The following RGR variants were observed in gnomAD, a reference collection of about 807,000 sequenced individuals.
RGR encodes the protein retinal G protein coupled receptor, also known as RPE-retinal G protein-coupled receptor.
Under a neutral mutation model 28.6 loss-of-function variants are expected in RGR, and 30 were observed. That is an observed-to-expected ratio of 1.05 (90% CI 0.78 to 1.42). RGR has a LOEUF of 1.42. Among genes scored for constraint, RGR ranks in the 40% most tolerant of loss-of-function variants. The pLI is 0.00. For missense variants in RGR, 404 were observed against 375.6 expected, an observed-to-expected ratio of 1.08 and a Z score of -0.62; for synonymous variants, 180 against 156.4, an observed-to-expected ratio of 1.15 and a Z score of -1.13.
Position 84,248,779 on chromosome 10 carries a change from C to T in RGR, c.237-143C>T, listed in dbSNP as rs1842778652. 6 of 1,493,490 alleles carry T rather than the reference C, an allele frequency of 4.0e-6. No homozygotes were observed. In the African/African-American group the frequency reaches 6.9e-5, roughly 17 times the overall value. 92.5% of individuals were successfully genotyped at this position (1,493,490 alleles called of 1,614,324 possible). A position where few individuals can be genotyped will look rare whatever the true frequency, so the allele number is the denominator to read the frequency against. On this transcript the variant is annotated intron_variant, in intron 2 of 6. Transcript: ENST00000652092. Reference sequence around the variant, plus strand: ...AGCCCAGTTACTTGAGCTCCAACGCCTCATAGGAAAGACACCAATATTAAG... The same window carrying T: ...AGCCCAGTTACTTGAGCTCCAACGCTTCATAGGAAAGACACCAATATTAAG...
chr10:84,248,583 C>T, intron 2 of RGR: 1 of 413,134 alleles, frequency 2.4e-6, no homozygotes, highest in Non-Finnish European at 4.5e-6. Context: ...TCTGTGTGAC[C>T]TTGGCTTCAG....
chr10:84,250,200 G>C (rs78154903), intron 3 of RGR, among the ~76,000 whole-genome samples: 1 of 152,222 alleles, frequency 6.6e-6, no homozygotes, highest in East Asian at 1.9e-4. Flanking sequence ...GTACCTCCAA[G>C]TCCTGAGCTA....
intron 6 of RGR, among the ~76,000 whole-genome samples, chr10:84,258,272 C>T (rs949447181): frequency 6.6e-6 from 1 of 151,964 alleles, no homozygotes; most frequent in South Asian, 2.1e-4. Flanking sequence ...GATAAAGACT[C>T]TGTGACCAGG....
In RGR at chr10:84,248,938, T is replaced by C. The variant is rs1284206005; in HGVS notation, c.253T>C (p.Ser85Pro). 4 of 1,614,156 alleles carry C rather than the reference T, an allele frequency of 2.5e-6. No homozygotes were observed. Among genetic ancestry groups the C allele is most frequent in the Middle Eastern group, 1.6e-4 (1 of 6,062 alleles). The change falls in exon 3 of 7, where the codon TCG becomes CCG. Residue 85 changes from serine to proline, a missense_variant. By Grantham distance (74) the Ser-to-Pro change is moderately conservative. Transcript: ENST00000652092. ...CTCCCACAGGCGCTGGCCCTACGGC[T>C]CGGACGGCTGCCAGGCTCACGGCTT... is the stretch of plus-strand genomic sequence containing the variant. ...SSLLRRWPYG[S>P]DGCQAHGFQG...
chr10:84,250,432 GC>G (rs1358784710), intron 3 of RGR: 4 of 717,000 alleles, frequency 5.6e-6, no homozygotes, highest in Non-Finnish European at 1.0e-5. Context: ...CGATAGGTTA[GC>G]CCTCTTGTCC....
rs1842931451 is a variant in RGR, at chr10:84,259,877, C to G, written c.*1238C>G. On this transcript the variant is annotated 3_prime_UTR_variant, in exon 7 of 7. Coordinates refer to ENST00000652092, the MANE Select transcript of RGR (RefSeq NM_001012720.2). ...GATACATGGTTTGCAAATATTTTCT[C>G]CGGTTCTGCACGTTGTTCATTCTGT... The G allele has an allele frequency of 6.6e-6, 1 of 152,070 alleles. No homozygotes were observed. Among genetic ancestry groups the G allele is most frequent in the Non-Finnish European group, 1.5e-5 (1 of 68,018 alleles). The allele number at this position is 152,070 out of a possible 1,614,324, so 9.4% of individuals were successfully genotyped here.
chr10:84,253,110 T>G (rs903392626), intron 4 of RGR, 100 bp downstream of exon 4: 4 of 1,323,150 alleles, frequency 3.0e-6, no homozygotes, highest in Non-Finnish European at 3.1e-6. Flanking sequence ...AATGGGGAAA[T>G]GTCAACGTTT....
At chr10:84,256,321 T>G (rs1842887058) in intron 5 of RGR, among the ~76,000 whole-genome samples, 1 of 152,032 alleles carries the variant, frequency 6.6e-6, no homozygotes, top group Admixed American at 6.5e-5. Context: ...CCCAAAGTGC[T>G]GGGATTACAG....
chr10:84,245,105 T>C lies in RGR; in HGVS notation c.15T>C (p.Ser5=), dbSNP rs1355044258. The C allele has an allele frequency of 1.2e-6, 2 of 1,613,572 alleles. No homozygotes were observed. Among genetic ancestry groups the C allele is most frequent in the African/African-American group, 2.7e-5 (2 of 74,986 alleles). The stretch of plus-strand genomic sequence containing the variant: ...GGAGAGTGAGGATGGCAGAGACCAG[T>C]GCCCTGCCCACTGGCTTCGGGGAGC... The part of the protein sequence containing the change: MAET[S]ALPTGFGELE... The change falls in exon 1 of 7, where the codon AGT becomes AGC. Residue 5 remains serine, a synonymous_variant. Transcript: ENST00000652092.
chr10:84,253,219 C>T (rs1354729021), intron 4 of RGR, among the ~76,000 whole-genome samples: 2 of 152,150 alleles, frequency 1.3e-5, no homozygotes, highest in Non-Finnish European at 2.9e-5. Context: ...GATGGGAATG[C>T]TGTGAAAATT....
chr10:84,248,996 G>T lies in RGR; in HGVS notation c.311G>T (p.Cys104Phe). The T allele has an allele frequency of 6.2e-7, 1 of 1,614,134 alleles. No individual in the cohort carries two copies. Among genetic ancestry groups the T allele is most frequent in the Non-Finnish European group, 8.5e-7 (1 of 1,179,990 alleles). ...TTTGTGACAGCGTTGGCCAGCATCT[G>T]CAGCAGTGCAGCCATCGCATGGGGG... is the stretch of plus-strand genomic sequence containing the variant. ...QGFVTALASI[C>F]SSAAIAWGRY... is the part of the protein sequence containing the mutation. The change falls in exon 3 of 7, where the codon TGC becomes TTC. Residue 104 changes from cysteine (C) to phenylalanine (F), a missense_variant. Cys to Phe is a radical substitution (Grantham distance 205, BLOSUM62 -2). Transcript: ENST00000652092.
chr10:84,254,439 T>G lies in RGR; in HGVS notation c.626T>G (p.Leu209Arg). The G allele has an allele frequency of 6.2e-7, 1 of 1,613,090 alleles. No homozygotes were observed. The highest frequency in any genetic ancestry group is 8.5e-7 in the Non-Finnish European group (1 of 1,179,068). Residue 209 changes from leucine to arginine, a missense_variant, in exon 5 of 7, where the codon CTC becomes CGC. Transcript: ENST00000652092. ...CAGAAACTGGGGAAGAGTGGCCATC[T>G]CCAGGTAAGGACCCCCTTCCGGAGT... ...MEQKLGKSGH[L>R]QVNTTLPART...
chr10:84,245,261 C>T, intron 1 of RGR, 92 bp downstream of exon 1: 1 of 1,299,166 alleles, frequency 7.7e-7, no homozygotes, highest in Non-Finnish European at 1.1e-6. Context: ...GAGGAGAGGT[C>T]CCCAAACCCA....
intron 5 of RGR, among the ~76,000 whole-genome samples, chr10:84,256,059 C>CTTTTTTTTTTTTTTTTT (rs61441525): frequency 1.1e-4 from 6 of 54,358 alleles, no homozygotes; most frequent in African/African-American, 1.7e-4. Context: ...TTTTTCCTTT[C>CTTTTTTTTTTTTTTTTT]TTTTTTTTTT....
intron 2 of RGR, 181 bp from the exon 3 acceptor site, chr10:84,248,741 G>C (rs1564548613): frequency 1.9e-6 from 2 of 1,054,004 alleles, no homozygotes; most frequent in East Asian, 5.0e-5. Flanking sequence ...TGTGCATTGG[G>C]CTCCACCCCT....
intron 4 of RGR, 51 bp from the exon 5 acceptor site, chr10:84,254,275 G>A (rs1842854513): frequency 6.6e-7 from 1 of 1,511,100 alleles, no homozygotes; most frequent in Non-Finnish European, 9.2e-7. Context: ...CTTGAGGGCA[G>A]CTGGCCATCC....
chr10:84,258,474 G>C, intron 6 of RGR, 34 bp from the exon 7 acceptor site: 1 of 1,614,058 alleles, frequency 6.2e-7, no homozygotes, highest in African/African-American at 1.3e-5. Context: ...CAGTGGCTTT[G>C]AAGCTTCTTT....
chr10:84,258,307 G>A (rs1842912946), intron 6 of RGR, among the ~76,000 whole-genome samples: 1 of 152,124 alleles, frequency 6.6e-6, no homozygotes, highest in Non-Finnish European at 1.5e-5. Context: ...CCCAGGCTGG[G>A]AGCAGGTGGG....
chr10:84,258,094 C>T, intron 6 of RGR, 88 bp downstream of exon 6: 3 of 1,129,834 alleles, frequency 2.7e-6, no homozygotes, highest in Non-Finnish European at 3.9e-6. Context: ...TTTATGACCT[C>T]TGTGTCAGTC....
Sources: allele counts gnomAD v4.1 joint callset (sites outside exome capture counted in the v4.1 genomes callset), GRCh38; gene constraint gnomAD v4.1.1; transcripts MANE v1.5; gene names NCBI Gene and HGNC (gene_info 2026-07-23, HGNC 2026-07-21).